Variants in PRAMEF11 observed in about 807,000 individuals in gnomAD.
PRAMEF11 encodes PRAME family member 11.
A neutral mutation model predicts 33.6 loss-of-function variants in PRAMEF11; 17 were observed. The ratio of observed to expected loss-of-function variants is 0.51; its 90% confidence interval spans 0.35 to 0.76. PRAMEF11 has a LOEUF of 0.76. PRAMEF11 is among the 30% of genes least tolerant of loss of function. The pLI is 0.01. For synonymous variants in PRAMEF11, 205 were observed against 227.3 expected (o/e 0.90, Z 0.88); for missense variants, 568 against 567.0 (o/e 1.00, Z -0.02).
rs756182916 is a variant in PRAMEF11, at chr1:12,825,109, C to A, written c.1270G>T (p.Ala424Ser). Residue 424 changes from alanine (A) to serine (S), a missense_variant, in exon 4 of 4, where the codon GCT becomes TCT. Ala to Ser is a moderately conservative substitution (Grantham distance 99). Around this residue, in one of 3 missense-constraint regions of PRAMEF11, gnomAD observed 174 missense variants for 127.2 expected, o/e 1.37. Transcript: ENST00000619922. ...CTGCTCCAGCAGAGAGTACCATCAG[C>A]ACCATAACTTTCCTGCGGGGCAGGA... ...LYPAPQESYG[A>S]DGTLCWSRFA... The A allele has an allele frequency of 1.9e-6, 3 of 1,609,668 alleles. No individual in the cohort carries two copies. The South Asian group carries it at 3.3e-5, about 18-fold the overall frequency.
At chr1:12,825,983 A>AC (rs1639857148) in intron 3 of PRAMEF11, among the ~76,000 whole-genome samples, 1 of 149,870 alleles carries the variant, frequency 6.7e-6, no homozygotes, top group African/African-American at 2.4e-5. Flanking sequence ...AAAAAAAAAA[A>AC]AGGAGAAAAA....
In PRAMEF11 at chr1:12,824,996, A is replaced by C; in HGVS notation, c.1383T>G (p.Pro461=). The change falls in exon 4 of 4, where the codon CCT becomes CCG. Residue 461 remains proline, a synonymous_variant. Coordinates refer to ENST00000619922, the MANE Select transcript of PRAMEF11 (RefSeq NM_001146344.3). ...KRILFCTDNC[P]DHGDRSFYDL... is the part of the protein sequence containing the mutation. ...CATAAAATGACCTGTCGCCATGGTC[A>C]GGGCAGTTGTCAGTACAGAACAAGA... is the stretch of plus-strand genomic sequence containing the variant. The C allele has an allele frequency of 6.2e-7, 1 of 1,609,846 alleles. No homozygotes were observed. The highest frequency in any genetic ancestry group is 8.5e-7 in the Non-Finnish European group (1 of 1,177,778).
intron 2 of PRAMEF11, 123 bp from the exon 3 acceptor site, chr1:12,827,953 C>G: frequency 1.3e-6 from 2 of 1,539,052 alleles, no homozygotes; most frequent in Non-Finnish European, 1.8e-6. Context: ...TTTCTTCACC[C>G]TGTTTTCCCC....
Position 12,831,363 on chromosome 1 carries a change from G to A in PRAMEF11, c.-24C>T, listed in dbSNP as rs1258155013. On this transcript the variant is annotated 5_prime_UTR_variant, in exon 1 of 4. Transcript: ENST00000619922. ...CAGAAATTAGTGACTTACCAGATCT[G>A]GATGTAGTCTAGAAGGTGCTCAGAC... 1 of 151,070 alleles carries A rather than the reference G, an allele frequency of 6.6e-6. No homozygotes were observed. Among genetic ancestry groups the A allele is most frequent in the African/African-American group, 2.4e-5 (1 of 41,188 alleles). The allele number at this position is 151,070 out of a possible 1,614,324, so 9.4% of individuals were successfully genotyped here.
At chr1:12,830,146 G>A (rs1261416146) in intron 1 of PRAMEF11, among the ~76,000 whole-genome samples, 1 of 151,310 alleles carries the variant, frequency 6.6e-6, no homozygotes, top group Non-Finnish European at 1.5e-5. Context: ...AAACTTGAAA[G>A]TATCTTTGTT....
chr1:12,825,079 C>G lies in PRAMEF11; in HGVS notation c.1300G>C (p.Ala434Pro). 1 of 1,609,744 alleles carries G rather than the reference C, an allele frequency of 6.2e-7. No homozygotes were observed. The highest frequency in any genetic ancestry group is 8.5e-7 in the Non-Finnish European group (1 of 1,177,774). Residue 434 changes from alanine (A) to proline (P), a missense_variant, in exon 4 of 4, where the codon GCT becomes CCT. Ala to Pro is a conservative substitution (Grantham distance 27). Transcript: ENST00000619922. ...TTCATCAGCTCAGCCCTAATTTGAGCAAATCTGCTCCAGCAGAGAGTACCA... is the reference window on the plus strand; with the variant it reads ...TTCATCAGCTCAGCCCTAATTTGAGGAAATCTGCTCCAGCAGAGAGTACCA... ...ADGTLCWSRF[A>P]QIRAELMKKV...
chr1:12,828,862 C>G, intron 1 of PRAMEF11, 57 bp from the exon 2 acceptor site: 2 of 1,601,404 alleles, frequency 1.2e-6, no homozygotes, highest in South Asian at 1.1e-5. Context: ...CCCATGCAAT[C>G]TCATCTTCTC....
chr1:12,826,827 T>C (rs565749091), intron 3 of PRAMEF11, among the ~76,000 whole-genome samples: 1 of 151,384 alleles, frequency 6.6e-6, no homozygotes, highest in East Asian at 2.0e-4. Flanking sequence ...GGTCTTGGGA[T>C]GTTACCCAGA....
At chr1:12,830,286 T>C (rs1639977901) in intron 1 of PRAMEF11, among the ~76,000 whole-genome samples, 1 of 151,180 alleles carries the variant, frequency 6.6e-6, no homozygotes, top group Non-Finnish European at 1.5e-5. Flanking sequence ...CTAGGTGGCG[T>C]AATTCTTTTT....
At position 12,825,295 on chromosome 1, in the gene PRAMEF11, A is replaced by G. The variant is rs769662662; in HGVS notation, c.1084T>C (p.Cys362Arg). The stretch of plus-strand genomic sequence containing the variant: ...TTGACTTGGGAGTCTATGATGCCAC[A>G]GTCATCTAAATCCAGGTACTCAAGG... The part of the protein sequence containing the change: ...ATLEYLDLDD[C>R]GIIDSQVNAI... The change falls in exon 4 of 4, where the codon TGT becomes CGT. Residue 362 changes from cysteine (C) to arginine (R), a missense_variant. By Grantham distance (180) the Cys-to-Arg change is radical. Transcript: ENST00000619922. The G allele has an allele frequency of 6.9e-6, 11 of 1,599,584 alleles. No individual in the cohort carries two copies. The South Asian group carries it at 1.1e-4, about 16-fold the overall frequency.
chr1:12,829,968 A>G (rs1188807209), intron 1 of PRAMEF11, among the ~76,000 whole-genome samples: 1 of 151,470 alleles, frequency 6.6e-6, no homozygotes. Flanking sequence ...TGATCGAATT[A>G]GATATTCATC....
intron 1 of PRAMEF11, among the ~76,000 whole-genome samples, chr1:12,830,304 A>T (rs1196445562): frequency 6.6e-6 from 1 of 151,094 alleles, no homozygotes; most frequent in Non-Finnish European, 1.5e-5. Flanking sequence ...TTTGGTGTTG[A>T]GGGAGCTGAA....
At position 12,825,069 on chromosome 1, in the gene PRAMEF11, C is replaced by A. The variant is rs765718879; in HGVS notation, c.1310G>T (p.Arg437Met). 2.7e-5 allele frequency: 43 copies of A among 1,609,624 alleles called. 1 individual carries two copies. Among genetic ancestry groups the A allele is most frequent in the Non-Finnish European group, 5.1e-6 (6 of 1,177,756 alleles). ...CCTCACTTTCTTCATCAGCTCAGCC[C>A]TAATTTGAGCAAATCTGCTCCAGCA... ...TLCWSRFAQI[R>M]AELMKKVRHL... The change falls in exon 4 of 4, where the codon AGG becomes ATG. Residue 437 changes from arginine to methionine, a missense_variant. Physicochemically the swap from Arg to Met is moderately conservative, Grantham distance 91 (BLOSUM62 -1). Coordinates refer to ENST00000619922, the MANE Select transcript of PRAMEF11 (RefSeq NM_001146344.3).
intron 3 of PRAMEF11, among the ~76,000 whole-genome samples, chr1:12,826,863 C>T (rs1324461500): frequency 6.6e-6 from 1 of 151,040 alleles, no homozygotes; most frequent in Non-Finnish European, 1.5e-5. Flanking sequence ...TAGGCTCAAG[C>T]TATCCTCTTG....
At chr1:12,826,408 G>T (rs1225628635) in intron 3 of PRAMEF11, among the ~76,000 whole-genome samples, 1 of 151,246 alleles carries the variant, frequency 6.6e-6, no homozygotes, top group African/African-American at 2.4e-5. Flanking sequence ...GTGCAGGTTT[G>T]CTGAGCATTC....
At chr1:12,828,949 C>T (rs567179160) in intron 1 of PRAMEF11, 144 bp from the exon 2 acceptor site, 4 of 1,180,298 alleles carry the variant, frequency 3.4e-6, no homozygotes, top group Non-Finnish European at 3.6e-6. Context: ...ACTCAGTGGC[C>T]ATTAAGCCAG....
chr1:12,830,187 A>G lies in PRAMEF11; in HGVS notation c.-17+1169T>C, dbSNP rs1389532741. Among the ~76,000 whole-genome samples the G allele has an allele frequency of 2.0e-5, 3 of 151,458 alleles. 1 individual carries two copies. Among genetic ancestry groups the G allele is most frequent in the Non-Finnish European group, 4.4e-5 (3 of 67,820 alleles). On this transcript the variant is annotated intron_variant, in intron 1 of 3. Transcript: ENST00000619922. Reference sequence around the variant, plus strand: ...ATCCTTGGCCATGTCAAATTTATCAAAATATTTCAGAGTTAAAACAGTTTT... The same window carrying G: ...ATCCTTGGCCATGTCAAATTTATCAGAATATTTCAGAGTTAAAACAGTTTT...
intron 2 of PRAMEF11, among the ~76,000 whole-genome samples, chr1:12,828,262 G>A (rs1051403607): frequency 5.4e-5 from 8 of 147,562 alleles, no homozygotes; most frequent in African/African-American, 1.0e-4. Flanking sequence ...CACCGTGCCC[G>A]GCCCAGTTCT....
chr1:12,824,781 A>C lies in PRAMEF11; in HGVS notation c.*161T>G, dbSNP rs533137529. ...TTGAATCCATGGCAACATTTCCCCC[A>C]AGTCCTGCCCCTGCTTGATCAGCTT... On this transcript the variant is annotated 3_prime_UTR_variant, in exon 4 of 4. Coordinates refer to ENST00000619922, the MANE Select transcript of PRAMEF11 (RefSeq NM_001146344.3). 1 of 1,172,728 alleles carries C rather than the reference A, an allele frequency of 8.5e-7. No homozygotes were observed. The highest frequency in any genetic ancestry group is 1.6e-5 in the African/African-American group (1 of 63,634). The allele number at this position is 1,172,728 out of a possible 1,614,324, so 72.6% of individuals were successfully genotyped here.
Sources: gnomAD v4.1 joint callset for allele counts (sites outside exome capture counted in the v4.1 genomes callset) on GRCh38, gnomAD v4.1.1 for gene constraint, gnomAD v4.1.1 regional missense constraint, MANE v1.5 for transcripts, NCBI Gene and HGNC (gene_info 2026-07-23, HGNC 2026-07-21) for gene names.